The following MPP7 variants were observed in gnomAD, a reference collection of about 807,000 sequenced individuals.
MPP7 encodes the protein MAGUK p55 scaffold protein 7.
A neutral mutation model predicts 76.5 loss-of-function variants in MPP7; 60 were observed. That is an observed-to-expected ratio of 0.78 (90% CI 0.64 to 0.97). The LOEUF (loss-of-function observed/expected upper bound fraction) is 0.97. MPP7 is among the 50% of genes least tolerant of loss of function. MPP7 has a pLI of 0.00. For synonymous variants in MPP7, 237 were observed against 244.5 expected (o/e 0.97, Z 0.29); for missense variants, 641 against 694.0 (o/e 0.92, Z 0.86).
At chr10:28,131,741 A>T in intron 5 of MPP7, 50 bp from the exon 6 acceptor site, 1 of 965,340 alleles carries the variant, frequency 1.0e-6, no homozygotes, top group Non-Finnish European at 1.3e-6. Context: ...ATACTTATAT[A>T]TTATATGTAA....
intron 1 of MPP7, among the ~76,000 whole-genome samples, chr10:28,285,272 C>T (rs1051746098): frequency 4.6e-5 from 7 of 152,210 alleles, no homozygotes; most frequent in African/African-American, 1.4e-4. Flanking sequence ...GCAACCTCCA[C>T]CTCCTGGGTT....
chr10:28,322,180 T>C (rs1001459262), intron 2 of MPP7, among the ~76,000 whole-genome samples: 25 of 151,906 alleles, frequency 1.6e-4, no homozygotes, highest in African/African-American at 6.0e-4. Context: ...AGCAGGCAAT[T>C]GACCATGGTA....
At chr10:28,097,963 A>G (rs1853645328) in intron 11 of MPP7, among the ~76,000 whole-genome samples, 1 of 152,208 alleles carries the variant, frequency 6.6e-6, no homozygotes, top group Non-Finnish European at 1.5e-5. Context: ...AAAAAATTTT[A>G]AAACTTGGAC....
At chr10:28,100,204 C>T (rs1207200469) in intron 11 of MPP7, among the ~76,000 whole-genome samples, 1 of 150,318 alleles carries the variant, frequency 6.7e-6, no homozygotes, top group East Asian at 1.9e-4. Context: ...GACAACCAAA[C>T]ATTGAACATT....
intron 3 of MPP7, 126 bp downstream of exon 3, chr10:28,202,027 C>CT: frequency 1.5e-6 from 1 of 685,636 alleles, no homozygotes; most frequent in Middle Eastern, 2.5e-4. Flanking sequence ...CCACGCCCGT[C>CT]GGTGAATGGA....
chr10:28,115,801 C>T (rs1465559158), intron 11 of MPP7, among the ~76,000 whole-genome samples: 13 of 152,118 alleles, frequency 8.5e-5, no homozygotes, highest in Admixed American at 8.5e-4. Flanking sequence ...TAAATGGATA[C>T]CCTTTGGCTT....
At chr10:28,099,358 G>T (rs900614716) in intron 11 of MPP7, among the ~76,000 whole-genome samples, 1 of 152,062 alleles carries the variant, frequency 6.6e-6, no homozygotes, top group Non-Finnish European at 1.5e-5. Flanking sequence ...TAACCAACCT[G>T]GTCTAATAAC....
intron 1 of MPP7, among the ~76,000 whole-genome samples, chr10:28,282,795 G>C (rs1840708669): frequency 6.6e-6 from 1 of 151,832 alleles, no homozygotes; most frequent in Admixed American, 6.6e-5. Flanking sequence ...TTGCCTGCTT[G>C]TTCTGTGTCG....
At chr10:28,073,498 A>C (rs1427334184) in intron 12 of MPP7, among the ~76,000 whole-genome samples, 1 of 152,040 alleles carries the variant, frequency 6.6e-6, no homozygotes, top group African/African-American at 2.4e-5. Context: ...AGCTGAGGGG[A>C]GTGCCTCACA....
chr10:28,218,390 A>C (rs1166819859), intron 2 of MPP7, among the ~76,000 whole-genome samples: 1 of 152,208 alleles, frequency 6.6e-6, no homozygotes, highest in African/African-American at 2.4e-5. Flanking sequence ...TGCACACTTG[A>C]GCAGCAAAAT....
At chr10:28,219,714 G>A (rs1205840811) in intron 2 of MPP7, among the ~76,000 whole-genome samples, 1 of 151,946 alleles carries the variant, frequency 6.6e-6, no homozygotes, top group Non-Finnish European at 1.5e-5. Context: ...TCAGGCATCG[G>A]ACCAAAACGT....
At chr10:28,293,638 G>A (rs1157270780) in intron 1 of MPP7, among the ~76,000 whole-genome samples, 1 of 152,176 alleles carries the variant, frequency 6.6e-6, no homozygotes, top group Non-Finnish European at 1.5e-5. Flanking sequence ...TGAAGTGAGT[G>A]CTAACTCCAG....
At chr10:28,074,703 C>G (rs1251208326) in intron 12 of MPP7, among the ~76,000 whole-genome samples, 1 of 152,186 alleles carries the variant, frequency 6.6e-6, no homozygotes, top group African/African-American at 2.4e-5. Flanking sequence ...TTTCTATCAG[C>G]ACTTAAAACT....
chr10:28,204,272 A>C (rs112911498), intron 2 of MPP7, among the ~76,000 whole-genome samples: 3,544 of 152,020 alleles, frequency 0.023, 142 homozygotes, highest in African/African-American at 0.081. Context: ...GTGAAACCCC[A>C]TCTCTACTAA....
chr10:28,265,721 T>C (rs1840129534), intron 1 of MPP7, among the ~76,000 whole-genome samples: 1 of 152,232 alleles, frequency 6.6e-6, no homozygotes, highest in African/African-American at 2.4e-5. Flanking sequence ...ATCATAGCTT[T>C]TTTAACTTTA....
intron 12 of MPP7, among the ~76,000 whole-genome samples, chr10:28,085,675 A>C (rs12266476): frequency 0.016 from 2,426 of 152,288 alleles, 67 homozygotes; most frequent in African/African-American, 0.055. Flanking sequence ...ATCAGTATTT[A>C]GCATCTCCAG....
In MPP7 at chr10:28,238,551, C is replaced by G; in HGVS notation, c.37+17G>C. The G allele has an allele frequency of 6.2e-7, 1 of 1,613,724 alleles. No individual in the cohort carries two copies. Among genetic ancestry groups the G allele is most frequent in the Non-Finnish European group, 8.5e-7 (1 of 1,179,606 alleles). ...AGCAAAGATGGAATGAGAACTGCCC[C>G]TCTTGGGGTCACATACCAGTGTCAC... On this transcript the variant is annotated intron_variant, in intron 2 of 16. Transcript: ENST00000683449.
chr10:28,265,653 T>C (rs1840127508), intron 1 of MPP7, among the ~76,000 whole-genome samples: 1 of 152,192 alleles, frequency 6.6e-6, no homozygotes, highest in African/African-American at 2.4e-5. Context: ...AAAATGTCTA[T>C]AAATTATTCA....
At chr10:28,260,956 C>T (rs143067601) in intron 1 of MPP7, among the ~76,000 whole-genome samples, 110 of 152,056 alleles carry the variant, frequency 7.2e-4, no homozygotes, top group Admixed American at 1.7e-3. Context: ...TGTAAGGTGC[C>T]TACAAAATTA....
Sources: gnomAD v4.1 joint callset for allele counts (sites outside exome capture counted in the v4.1 genomes callset) on GRCh38, gnomAD v4.1.1 for gene constraint, MANE v1.5 for transcripts, NCBI Gene and HGNC (gene_info 2026-07-23, HGNC 2026-07-21) for gene names.